TRIM54: variants seen among roughly 807,000 people sequenced by gnomAD.
TRIM54 encodes tripartite motif containing 54.
TRIM54 carries 40 observed loss-of-function variants against 42.0 expected under a neutral mutation model. The observed-to-expected ratio is 0.95, with a 90% confidence interval of 0.74 to 1.24. The LOEUF is 1.24. Ranked by LOEUF, TRIM54 falls within the 50% of genes most tolerant of loss-of-function variation. TRIM54 has a pLI of 0.00. For synonymous variants in TRIM54, 199 were observed against 194.9 expected, an observed-to-expected ratio of 1.02 and a Z score of -0.17; for missense variants, 485 against 480.3, an observed-to-expected ratio of 1.01 and a Z score of -0.09.
chr2:27,297,973 C>G (rs1359725684), intron 1 of TRIM54, among the ~76,000 whole-genome samples: 1 of 123,938 alleles, frequency 8.1e-6, no homozygotes, highest in African/African-American at 3.2e-5. Context: ...AGAGAAAGAA[C>G]CTGTCTCAAA....
intron 3 of TRIM54, among the ~76,000 whole-genome samples, chr2:27,300,013 C>T (rs545859690): frequency 7.9e-5 from 12 of 151,842 alleles, no homozygotes; most frequent in African/African-American, 1.9e-4. Context: ...ATCTCTGTCG[C>T]GCAGGCTGGA....
At chr2:27,289,882 T>C (rs918486637) in intron 1 of TRIM54, among the ~76,000 whole-genome samples, 3 of 137,888 alleles carry the variant, frequency 2.2e-5, no homozygotes, top group African/African-American at 8.7e-5. Context: ...TTTTTTTTTT[T>C]TTTTTTTGAG....
In TRIM54 at chr2:27,304,053, A is replaced by T. The variant is rs576765217; in HGVS notation, c.514-906A>T. 5.3e-5 allele frequency among the ~76,000 whole-genome samples: 8 copies of T among 151,906 alleles called. No homozygotes were observed. The South Asian group carries it at 1.7e-3, about 32-fold the overall frequency. On this transcript the variant is annotated intron_variant, in intron 3 of 8. Coordinates refer to ENST00000380075, the MANE Select transcript of TRIM54 (RefSeq NM_187841.3). ...ATGTTGAAACCCCGTCTACAAAAAA[A>T]TATAAAAAATTAGCCGGACGTGGTG...
chr2:27,286,568 C>A (rs1364183812), intron 1 of TRIM54, among the ~76,000 whole-genome samples: 1 of 152,190 alleles, frequency 6.6e-6, no homozygotes, highest in African/African-American at 2.4e-5. Context: ...TCCTAAACGG[C>A]TTTAAAGCAA....
chr2:27,297,628 A>G (rs1572524899), intron 1 of TRIM54, among the ~76,000 whole-genome samples: 1 of 152,368 alleles, frequency 6.6e-6, no homozygotes, highest in East Asian at 1.9e-4. Context: ...TACCTGGCAC[A>G]CTATAAATGA....
In TRIM54 at chr2:27,299,264, G is replaced by T; in HGVS notation, c.361G>T (p.Glu121Ter). 1.2e-6 allele frequency: 2 copies of T among 1,614,058 alleles called. No individual in the cohort carries two copies. Among genetic ancestry groups the T allele is most frequent in the Non-Finnish European group, 1.7e-6 (2 of 1,180,046 alleles). Reference protein sequence around the residue: ...ESSRPLHSKAEQHLMCEEHEE... With the variant: ...ESSRPLHSKA ...CTCTAGGCCGCTGCACTCCAAGGCT[G>T]AGCAGCACCTCATGTGCGAGGAGCA... The change falls in exon 3 of 9, where the codon GAG (glutamate) becomes TAG (stop). Residue 121 changes from glutamate to a stop codon, truncating the protein, a stop_gained. Transcript: ENST00000380075. LOFTEE classifies it high-confidence loss of function.
chr2:27,305,305 A>G, intron 4 of TRIM54: 1 of 587,008 alleles, frequency 1.7e-6, no homozygotes, highest in Non-Finnish European at 3.0e-6. Context: ...GATGATGATA[A>G]TGATACACCA....
chr2:27,285,326 A>G (rs1395738859), intron 1 of TRIM54, among the ~76,000 whole-genome samples: 4 of 152,188 alleles, frequency 2.6e-5, no homozygotes, highest in Non-Finnish European at 4.4e-5. Context: ...TTTTCTAAGT[A>G]TGGGGCAAGA....
chr2:27,288,954 T>C (rs1678647774), intron 1 of TRIM54, among the ~76,000 whole-genome samples: 1 of 152,210 alleles, frequency 6.6e-6, no homozygotes, highest in South Asian at 2.1e-4. Context: ...ATCAGTTATC[T>C]CTTAGTCTTG....
intron 1 of TRIM54, among the ~76,000 whole-genome samples, chr2:27,285,632 G>A (rs749295442): frequency 6.6e-6 from 1 of 152,162 alleles, no homozygotes; most frequent in Non-Finnish European, 1.5e-5. Flanking sequence ...GCATGTATAT[G>A]TGTTCTCAGG....
Position 27,306,406 on chromosome 2 carries a change from A to ATGGC in TRIM54, c.992-49_992-46dup, listed in dbSNP as rs754584547. On this transcript the variant is annotated intron_variant, in intron 7 of 8. Transcript: ENST00000380075. The surrounding 1 kb of genome is among the most constrained non-coding windows in gnomAD (Gnocchi z 6.1). ...CTGTGTGGGGGGTGCGGCGGGCACGATGGCCGTAAAGGCAGGGACTCCACC... is the reference window on the plus strand; with the variant it reads ...CTGTGTGGGGGGTGCGGCGGGCACGATGGCTGGCCGTAAAGGCAGGGACTCCACC... 2 of 1,612,140 alleles carry ATGGC rather than the reference A, an allele frequency of 1.2e-6. No individual in the cohort carries two copies. The highest frequency in any genetic ancestry group is 2.2e-5 in the South Asian group (2 of 90,884).
intron 1 of TRIM54, among the ~76,000 whole-genome samples, chr2:27,287,369 A>C (rs1328420226): frequency 6.6e-6 from 1 of 151,782 alleles, no homozygotes; most frequent in Non-Finnish European, 1.5e-5. Flanking sequence ...TGCCTGGCTA[A>C]TTTTTTTGTA....
intron 2 of TRIM54, 76 bp from the exon 3 acceptor site, chr2:27,299,169 G>A: frequency 6.5e-7 from 1 of 1,534,488 alleles, no homozygotes; most frequent in Non-Finnish European, 8.8e-7. Context: ...GGTGGCAGTT[G>A]GTGGAGGCTG....
rs1028628929 is a variant in TRIM54, at chr2:27,306,910, C to G, written c.*25C>G. ...AGGCCTGCGCCGACCCGACCCTGCT[C>G]GAGAGCCCGCGCTAGAGTCGGGGAG... On this transcript the variant is annotated 3_prime_UTR_variant, in exon 9 of 9. Coordinates refer to ENST00000380075, the MANE Select transcript of TRIM54 (RefSeq NM_187841.3). This position sits in a 1 kb window ranked among gnomAD's most constrained non-coding sequence, Gnocchi z 6.1. The G allele has an allele frequency of 3.1e-6, 1 of 322,750 alleles. No homozygotes were observed. Among genetic ancestry groups the G allele is most frequent in the East Asian group, 6.4e-5 (1 of 15,736 alleles). The allele number at this position is 322,750 out of a possible 1,614,324, so 20.0% of individuals were successfully genotyped here. A position where few individuals can be genotyped will look rare whatever the true frequency, so the allele number is the denominator to read the frequency against.
intron 3 of TRIM54, among the ~76,000 whole-genome samples, chr2:27,301,314 A>AT (rs1383059666): frequency 6.6e-6 from 1 of 151,860 alleles, no homozygotes; most frequent in Non-Finnish European, 1.5e-5. Flanking sequence ...TAATTTTTGT[A>AT]TTTTTAATAG....
At position 27,305,640 on chromosome 2, in the gene TRIM54, A is replaced by C. The variant is rs751140064; in HGVS notation, c.666A>C (p.Ala222=). 1 of 1,613,806 alleles carries C rather than the reference A, an allele frequency of 6.2e-7. No homozygotes were observed. The highest frequency in any genetic ancestry group is 1.1e-5 in the South Asian group (1 of 91,030). ...LLNQRFESLC[A]VLEERKGELL... ...ACCAGAGGTTTGAGAGCCTGTGCGC[A>C]GTGCTGGAGGAGCGCAAGGGTGAGC... The change falls in exon 5 of 9, where the codon GCA becomes GCC. Residue 222 remains alanine, a synonymous_variant. Coordinates refer to ENST00000380075, the MANE Select transcript of TRIM54 (RefSeq NM_187841.3).
rs2148206879 is a variant in TRIM54, at chr2:27,306,145, C to A, written c.866+43C>A. 1 of 1,614,042 alleles carries A rather than the reference C, an allele frequency of 6.2e-7. No homozygotes were observed. The highest frequency in any genetic ancestry group is 2.2e-5 in the East Asian group (1 of 44,884). On this transcript the variant is annotated intron_variant, in intron 6 of 8. Transcript: ENST00000380075. This position sits in a 1 kb window ranked among gnomAD's most constrained non-coding sequence, Gnocchi z 6.1. ...GAAGGGAAAGGAGGGGGCTGCACTG[C>A]TCCACTGGCTGGGGTGGGGCTTGAG...
intron 2 of TRIM54, 23 bp from the exon 3 acceptor site, chr2:27,299,222 T>A: frequency 6.2e-7 from 1 of 1,611,880 alleles, no homozygotes. Context: ...AAGGTCCACC[T>A]CCCCCTGCCC....
intron 3 of TRIM54, among the ~76,000 whole-genome samples, chr2:27,300,822 C>T (rs1183216380): frequency 6.6e-6 from 1 of 152,068 alleles, no homozygotes; most frequent in Non-Finnish European, 1.5e-5. Context: ...GCCATGATTG[C>T]ACCACGGCAC....
Sources: allele counts gnomAD v4.1 joint callset (sites outside exome capture counted in the v4.1 genomes callset), GRCh38; gene constraint gnomAD v4.1.1; non-coding constraint Gnocchi (gnomAD v3.1); transcripts MANE v1.5; gene names NCBI Gene and HGNC (gene_info 2026-07-23, HGNC 2026-07-21).